Variants in BBS4 observed in about 807,000 individuals in gnomAD.
The protein encoded by BBS4 is Bardet-Biedl syndrome 4.
Under a neutral mutation model 71.4 loss-of-function variants are expected in BBS4, and 58 were observed. The observed-to-expected ratio is 0.81, with a 90% CI of 0.66 to 1.01. BBS4 has a LOEUF of 1.01. Ranked by LOEUF, BBS4 falls within the 50% of genes least tolerant of loss-of-function variation. The pLI is 0.00. For missense variants in BBS4, 660 were observed against 607.9 expected, an observed-to-expected ratio of 1.09 and a Z score of -0.90; for synonymous variants, 228 against 216.8, an observed-to-expected ratio of 1.05 and a Z score of -0.46.
intron 12 of BBS4, among the ~76,000 whole-genome samples, chr15:72,732,614 GA>G (rs1367417074): frequency 6.6e-6 from 1 of 152,030 alleles, no homozygotes; most frequent in Non-Finnish European, 1.5e-5. Context: ...AGGGTTGCCT[GA>G]ATACAAAGAT....
chr15:72,729,331 A>C (rs1398535526), intron 9 of BBS4, among the ~76,000 whole-genome samples: 8 of 147,276 alleles, frequency 5.4e-5, no homozygotes, highest in Non-Finnish European at 1.2e-4. Flanking sequence ...GCTCACTGCA[A>C]CCTCTGCCTC....
At chr15:72,707,098 T>G (rs2065276420) in intron 2 of BBS4, among the ~76,000 whole-genome samples, 2 of 151,960 alleles carry the variant, frequency 1.3e-5, no homozygotes, top group African/African-American at 4.8e-5. Context: ...TTGTTTCTCC[T>G]TAGGTTGCAG....
chr15:72,698,367 A>G (rs1483456322), intron 2 of BBS4, among the ~76,000 whole-genome samples: 1 of 152,178 alleles, frequency 6.6e-6, no homozygotes, highest in East Asian at 1.9e-4. Context: ...GAAACACTGT[A>G]CCCATTAAAC....
intron 8 of BBS4, among the ~76,000 whole-genome samples, chr15:72,726,172 C>T (rs998836434): frequency 2.0e-5 from 3 of 151,226 alleles, no homozygotes; most frequent in Non-Finnish European, 4.4e-5. Flanking sequence ...AGTGCAGTGG[C>T]GCGATCTCGC....
chr15:72,724,269 G>T (rs1222855921), intron 7 of BBS4, among the ~76,000 whole-genome samples: 1 of 152,186 alleles, frequency 6.6e-6, no homozygotes, highest in Non-Finnish European at 1.5e-5. Flanking sequence ...GTGAATATCA[G>T]GCAGAAAACA....
At chr15:72,735,214 G>C (rs1397073265) in intron 13 of BBS4, 32 bp downstream of exon 13, 2 of 1,563,986 alleles carry the variant, frequency 1.3e-6, no homozygotes, top group South Asian at 1.1e-5. Context: ...GTACTGGCGG[G>C]GGTTGGACTC....
At chr15:72,693,091 A>C (rs2065016015) in intron 1 of BBS4, among the ~76,000 whole-genome samples, 1 of 152,162 alleles carries the variant, frequency 6.6e-6, no homozygotes, top group Non-Finnish European at 1.5e-5. Context: ...CCAGGCCTAA[A>C]TGTTGCTACT....
At position 72,720,765 on chromosome 15, in the gene BBS4, CTG is replaced by C. The variant is rs765162560; in HGVS notation, c.406-2026_406-2025del. 4.6e-5 allele frequency among the ~76,000 whole-genome samples: 7 copies of C among 152,292 alleles called. No individual in the cohort carries two copies. In the South Asian group the frequency reaches 1.4e-3, roughly 32 times the overall value. ...TGATCTAAGATTCCTCGTCTTAAGA[CTG>C]TGATCTTTTCCACTGTACCAACTGC... On this transcript the variant is annotated intron_variant, in intron 6 of 15. Coordinates refer to ENST00000268057, the MANE Select transcript of BBS4 (RefSeq NM_033028.5).
At chr15:72,704,547 T>C in intron 2 of BBS4, 1 of 910,940 alleles carries the variant, frequency 1.1e-6, no homozygotes, top group South Asian at 1.4e-5. Flanking sequence ...CCAGAATTCC[T>C]TCATCTTTGA....
chr15:72,696,054 T>C (rs575435637), intron 2 of BBS4, among the ~76,000 whole-genome samples: 1 of 152,244 alleles, frequency 6.6e-6, no homozygotes, highest in East Asian at 1.9e-4. Context: ...CTTACTGATG[T>C]AGTTACTGAT....
rs559285661 is a variant in BBS4 at position 72,709,795 on chromosome 15, A to G, written c.156+16A>G. 2 of 1,603,432 alleles carry G rather than the reference A, an allele frequency of 1.2e-6. No homozygotes were observed. The highest frequency in any genetic ancestry group is 1.1e-5 in the South Asian group (1 of 90,888). On this transcript the variant is annotated intron_variant, in intron 3 of 15. Coordinates refer to ENST00000268057, the MANE Select transcript of BBS4 (RefSeq NM_033028.5). The stretch of plus-strand genomic sequence containing the variant: ...AGCCTGCAAGGTAAGAGATTGCCAT[A>G]ATAATAAAAATGAGAGGCAGGATGT...
rs58644289 is a variant in BBS4, at chr15:72,688,411, C to CTTT, written c.24+2178_24+2180dup. Among the ~76,000 whole-genome samples, 173 of 83,048 alleles carry CTTT rather than the reference C, an allele frequency of 2.1e-3. 20 individuals carry two copies. The East Asian group carries it at 0.022, about 11-fold the overall frequency. The allele number at this position is 83,048 out of a possible 152,430, so 54.5% of individuals were successfully genotyped here. On this transcript the variant is annotated intron_variant, in intron 1 of 15. Transcript: ENST00000268057. The stretch of plus-strand genomic sequence containing the variant: ...GTCCTTTTAGGAAGTGGTATTTTAT[C>CTTT]TTTTTTTTTTTTTTTTTTTTGAGAC...
At chr15:72,701,087 G>A (rs2065161422) in intron 2 of BBS4, among the ~76,000 whole-genome samples, 1 of 152,060 alleles carries the variant, frequency 6.6e-6, no homozygotes, top group South Asian at 2.1e-4. Context: ...AATATTATCA[G>A]TGCCCTCCAG....
Position 72,715,352 on chromosome 15 carries a change from A to G in BBS4, c.282A>G (p.Ala94=), listed in dbSNP as rs370868102. ...QESLELFQTC[A]VLSPQSADNL... ...CCCTAGAACTCTTCCAGACATGTGC[A>G]GTTCTTAGTCCTCAGAGTGCTGATA... is the stretch of plus-strand genomic sequence containing the variant. The change falls in exon 5 of 16, where the codon GCA becomes GCG. Residue 94 remains alanine, a synonymous_variant. Coordinates refer to ENST00000268057, the MANE Select transcript of BBS4 (RefSeq NM_033028.5). 9.3e-6 allele frequency: 15 copies of G among 1,614,038 alleles called. No homozygotes were observed. The highest frequency in any genetic ancestry group is 1.2e-5 in the Non-Finnish European group (14 of 1,180,010).
At chr15:72,709,380 T>C (rs536777320) in intron 2 of BBS4, among the ~76,000 whole-genome samples, 6 of 152,248 alleles carry the variant, frequency 3.9e-5, no homozygotes, top group Non-Finnish European at 5.9e-5. Flanking sequence ...TCTGTTCACC[T>C]TCTATAACCA....
intron 2 of BBS4, among the ~76,000 whole-genome samples, chr15:72,699,710 C>T (rs2065137689): frequency 6.6e-6 from 1 of 152,180 alleles, no homozygotes; most frequent in Admixed American, 6.5e-5. Flanking sequence ...ATAAGTTGTG[C>T]TTGAACTTCA....
At chr15:72,688,076 A>T (rs2064904893) in intron 1 of BBS4, among the ~76,000 whole-genome samples, 1 of 150,532 alleles carries the variant, frequency 6.6e-6, no homozygotes. Context: ...AAAAGAAAAT[A>T]CTTCTAAGTA....
At chr15:72,709,954 C>T (rs1261304830) in intron 3 of BBS4, among the ~76,000 whole-genome samples, 175 bp downstream of exon 3, 3 of 152,096 alleles carry the variant, frequency 2.0e-5, no homozygotes, top group Non-Finnish European at 4.4e-5. Flanking sequence ...TAACATACAA[C>T]CTCAATATTT....
At chr15:72,736,208 T>C (rs547136824) in intron 14 of BBS4, among the ~76,000 whole-genome samples, 23 of 151,918 alleles carry the variant, frequency 1.5e-4, no homozygotes, top group Middle Eastern at 3.2e-3. Context: ...AGTTGAGGTC[T>C]GTGTCTGTCT....
Sources: allele counts gnomAD v4.1 joint callset (sites outside exome capture counted in the v4.1 genomes callset), GRCh38; gene constraint gnomAD v4.1.1; transcripts MANE v1.5; gene names NCBI Gene and HGNC (gene_info 2026-07-23, HGNC 2026-07-21).